Variants in POTEC observed in about 807,000 individuals in gnomAD.
POTEC encodes the protein ANKRD26-like family B member 2.
Under a neutral mutation model 62.0 loss-of-function variants are expected in POTEC, and 35 were observed. The observed-to-expected ratio is 0.56, with a 90% CI of 0.43 to 0.75. The LOEUF (loss-of-function observed/expected upper bound fraction) is 0.75. Among genes scored for constraint, POTEC ranks in the 30% least tolerant of loss-of-function variants. POTEC has a pLI of 0.00. For synonymous variants in POTEC, 156 were observed against 221.5 expected, an observed-to-expected ratio of 0.70 and a Z score of 2.62; for missense variants, 472 against 655.9, an observed-to-expected ratio of 0.72 and a Z score of 3.06.
At chr18:14,517,054 A>C in intron 9 of POTEC, among the ~76,000 whole-genome samples, 1 of 150,062 alleles carries the variant, frequency 6.7e-6, no homozygotes, top group African/African-American at 2.5e-5. Flanking sequence ...AAAATAATTA[A>C]TTTTAAGGAA....
chr18:14,538,161 T>C lies in POTEC; in HGVS notation c.610A>G (p.Asn204Asp). The part of the protein sequence containing the change: ...DRRCQLNVLD[N>D]KKRTALIKAV... ...TTTATCAGAGCTGTCCTTTTTTTGTTGTCAAGGACATTAAGTTGACATCGT... is the reference window on the plus strand; with the variant it reads ...TTTATCAGAGCTGTCCTTTTTTTGTCGTCAAGGACATTAAGTTGACATCGT... The change falls in exon 2 of 11, where the codon AAC (asparagine) becomes GAC (aspartate). Residue 204 changes from asparagine to aspartate, a missense_variant. Asn to Asp is a conservative substitution (Grantham distance 23). This residue lies in a region of POTEC where 13 missense variants were observed against 38.4 expected (regional missense o/e 0.34). Coordinates refer to ENST00000358970, the MANE Select transcript of POTEC (RefSeq NM_001137671.2). The C allele has an allele frequency of 6.2e-7, 1 of 1,611,082 alleles. No homozygotes were observed. Among genetic ancestry groups the C allele is most frequent in the Non-Finnish European group, 8.5e-7 (1 of 1,179,426 alleles).
chr18:14,529,077 C>T, intron 6 of POTEC: 1 of 451,980 alleles, frequency 2.2e-6, no homozygotes, highest in South Asian at 1.6e-5. Context: ...TGCATGCTTA[C>T]CTTGAATCAT....
chr18:14,516,409 G>T (rs1162985369), intron 9 of POTEC, among the ~76,000 whole-genome samples: 2 of 118,602 alleles, frequency 1.7e-5, no homozygotes, highest in African/African-American at 7.0e-5. Flanking sequence ...GGCTGGGAAG[G>T]CCTCAGGAAA....
chr18:14,520,883 C>G (rs71234982), intron 9 of POTEC, among the ~76,000 whole-genome samples: 8 of 152,046 alleles, frequency 5.3e-5, no homozygotes, highest in African/African-American at 1.9e-4. Context: ...GCTGAGGTGG[C>G]AGGATTACTA....
intron 4 of POTEC, among the ~76,000 whole-genome samples, chr18:14,534,509 A>T (rs1452578694): frequency 6.6e-6 from 1 of 151,974 alleles, no homozygotes; most frequent in Non-Finnish European, 1.5e-5. Flanking sequence ...TGTTTAATAC[A>T]GCATATTTAG....
chr18:14,517,394 C>T (rs1036878972), intron 9 of POTEC, among the ~76,000 whole-genome samples: 17 of 152,200 alleles, frequency 1.1e-4, no homozygotes, highest in African/African-American at 3.4e-4. Context: ...AATACAGCCA[C>T]GCAGCAGTAC....
In POTEC at chr18:14,543,171, C is replaced by G. The variant is rs747609181; in HGVS notation, c.-25G>C. On this transcript the variant is annotated 5_prime_UTR_variant, in exon 1 of 11. Coordinates refer to ENST00000358970, the MANE Select transcript of POTEC (RefSeq NM_001137671.2). ...TCTGCTTTTAACAGCCCGGGGAGGC[C>G]GGTAGTAGCGAACAGATCGCGTCTA... 9.3e-6 allele frequency: 15 copies of G among 1,613,720 alleles called. No homozygotes were observed. Among genetic ancestry groups the G allele is most frequent in the East Asian group, 2.2e-5 (1 of 44,846 alleles).
chr18:14,525,899 CT>C lies in POTEC; in HGVS notation c.1127-917del, dbSNP rs200881981. Reference sequence around the variant, plus strand: ...TTATGACAAATTTATATTCATTTTTCTTTTTTTTTGTTTTTTTGTTTGAGCC... The same window carrying C: ...TTATGACAAATTTATATTCATTTTTCTTTTTTTTGTTTTTTTGTTTGAGCC... On this transcript the variant is annotated intron_variant, in intron 6 of 10. Coordinates refer to ENST00000358970, the MANE Select transcript of POTEC (RefSeq NM_001137671.2). 3.2e-3 allele frequency among the ~76,000 whole-genome samples: 482 copies of C among 151,674 alleles called. 1 individual carries two copies. The highest frequency in any genetic ancestry group is 0.01 in the African/African-American group (431 of 41,366).
In POTEC at chr18:14,520,373, T is replaced by C. The variant is rs558861425; in HGVS notation, c.1409+1881A>G. On this transcript the variant is annotated intron_variant, in intron 9 of 10. Transcript: ENST00000358970. ...CAGAAGCTGATTATTATTTTGTTCA[T>C]GCTTATACATAAAGACCAAGAAAAA... Among the ~76,000 whole-genome samples the C allele has an allele frequency of 2.7e-5, 4 of 150,574 alleles. No homozygotes were observed. The East Asian group carries it at 7.8e-4, about 30-fold the overall frequency.
At chr18:14,535,961 C>T (rs1200595544) in intron 3 of POTEC, among the ~76,000 whole-genome samples, 1 of 151,810 alleles carries the variant, frequency 6.6e-6, no homozygotes, top group Non-Finnish European at 1.5e-5. Flanking sequence ...TTTTAATGTC[C>T]CAACGACAGA....
Position 14,518,569 on chromosome 18 carries a change from G to A in POTEC, c.1409+3685C>T, listed in dbSNP as rs878861104. 1.3e-4 allele frequency among the ~76,000 whole-genome samples: 18 copies of A among 141,242 alleles called. No individual in the cohort carries two copies. In the South Asian group the frequency reaches 4.1e-3, roughly 32 times the overall value. 92.7% of individuals were successfully genotyped at this position (141,242 alleles called of 152,430 possible). On this transcript the variant is annotated intron_variant, in intron 9 of 10. Coordinates refer to ENST00000358970, the MANE Select transcript of POTEC (RefSeq NM_001137671.2). ...CTTCGTTACGTTAGAGAGCATCCCTGGTAGGCACCCAATTGAACCTTAAGC... is the reference window on the plus strand; with the variant it reads ...CTTCGTTACGTTAGAGAGCATCCCTAGTAGGCACCCAATTGAACCTTAAGC...
intron 5 of POTEC, among the ~76,000 whole-genome samples, chr18:14,531,433 T>G (rs1274983745): frequency 1.3e-5 from 2 of 152,132 alleles, no homozygotes; most frequent in Non-Finnish European, 2.9e-5. Context: ...TCTACTTTTA[T>G]TTTTTTCCGT....
At position 14,543,267 on chromosome 18, in the gene POTEC, C is replaced by G. The variant is rs1330048021; in HGVS notation, c.-121G>C. ...GTTTGAAGAGAAAGGTCAATCCCAG[C>G]CAAAACTTGCCAACCCCAGCAAGGG... On this transcript the variant is annotated 5_prime_UTR_variant, in exon 1 of 11. Coordinates refer to ENST00000358970, the MANE Select transcript of POTEC (RefSeq NM_001137671.2). The G allele has an allele frequency of 7.7e-6, 11 of 1,435,670 alleles. No individual in the cohort carries two copies. The highest frequency in any genetic ancestry group is 1.0e-5 in the Non-Finnish European group (11 of 1,062,178). 88.9% of individuals were successfully genotyped at this position (1,435,670 alleles called of 1,614,324 possible).
chr18:14,538,769 C>T (rs537605797), intron 1 of POTEC, among the ~76,000 whole-genome samples: 9 of 152,282 alleles, frequency 5.9e-5, no homozygotes, highest in East Asian at 3.9e-4. Flanking sequence ...TTACAGGTAG[C>T]GCTGTACTGT....
At chr18:14,518,232 T>C (rs185498212) in intron 9 of POTEC, among the ~76,000 whole-genome samples, 5,480 of 152,050 alleles carry the variant, frequency 0.036, 353 homozygotes, top group African/African-American at 0.13. Flanking sequence ...ATAAAAACCC[T>C]ATTCATGAGA....
intron 9 of POTEC, among the ~76,000 whole-genome samples, chr18:14,518,261 A>T: frequency 6.6e-6 from 1 of 151,894 alleles, no homozygotes; most frequent in African/African-American, 2.4e-5. Flanking sequence ...AACACACAAT[A>T]ACAACAGACA....
chr18:14,536,708 C>T (rs1321659967), intron 3 of POTEC, among the ~76,000 whole-genome samples: 6 of 152,128 alleles, frequency 3.9e-5, no homozygotes, highest in Non-Finnish European at 7.4e-5. Context: ...CATCTCTCAT[C>T]CACATAAACA....
intron 6 of POTEC, chr18:14,528,985 G>C (rs1567913156): frequency 2.2e-6 from 1 of 454,254 alleles, no homozygotes; most frequent in Non-Finnish European, 4.4e-6. Context: ...ATGTTCTTCT[G>C]GCAAACACAC....
intron 7 of POTEC, among the ~76,000 whole-genome samples, chr18:14,524,676 G>C (rs1910391311): frequency 6.6e-6 from 1 of 151,504 alleles, no homozygotes; most frequent in South Asian, 2.1e-4. Context: ...ATTTTATAGT[G>C]GTTATGTTTT....
Sources: gnomAD v4.1 joint callset for allele counts (sites outside exome capture counted in the v4.1 genomes callset) on GRCh38, gnomAD v4.1.1 for gene constraint, gnomAD v4.1.1 regional missense constraint, MANE v1.5 for transcripts, NCBI Gene and HGNC (gene_info 2026-07-23, HGNC 2026-07-21) for gene names.